The following UVSSA variants were observed in gnomAD, a reference collection of about 807,000 sequenced individuals.
UVSSA encodes the protein UV-stimulated scaffold protein A.
UVSSA carries 72 observed loss-of-function variants against 73.9 expected under a neutral mutation model. The ratio of observed to expected loss-of-function variants is 0.97; its 90% CI spans 0.81 to 1.19. The LOEUF is 1.19. Among genes scored for constraint, UVSSA ranks in the 50% most tolerant of loss-of-function variants. The probability of loss-of-function intolerance (pLI) is 0.00; values close to 1 mark genes in which losing one functional copy is unlikely to be tolerated. For missense variants in UVSSA, 1,150 were observed against 965.0 expected (o/e 1.19, Z -2.54); for synonymous variants, 454 against 391.3 (o/e 1.16, Z -1.89).
chr4:1,393,710 C>T (rs1720459758), exon 14 of UVSSA: 1 of 152,668 alleles, frequency 6.6e-6, no homozygotes, highest in African/African-American at 2.4e-5. Flanking sequence ...TTTCCCATGT[C>T]AGAGCCAAGG....
At chr4:1,390,462 G>A (rs1288591570), downstream of UVSSA, 3 of 152,242 alleles carry the variant, frequency 2.0e-5, no homozygotes, top group East Asian at 5.8e-4. Flanking sequence ...TAAAAATTTT[G>A]TTGTAGAGAC....
At chr4:1,382,998 A>G (rs1372594266) in intron 12 of UVSSA, among the ~76,000 whole-genome samples, 2 of 151,894 alleles carry the variant, frequency 1.3e-5, no homozygotes, top group Non-Finnish European at 1.5e-5. Flanking sequence ...GTGGAGGCCC[A>G]CCTCCGCCTT....
At chr4:1,369,398 G>T (rs1717747708) in intron 8 of UVSSA, among the ~76,000 whole-genome samples, 1 of 152,254 alleles carries the variant, frequency 6.6e-6, no homozygotes, top group Non-Finnish European at 1.5e-5. Flanking sequence ...GGGAAGCGTG[G>T]GGGCAGGCGG....
chr4:1,366,479 A>G, intron 8 of UVSSA, 48 bp downstream of exon 8: 1 of 1,453,398 alleles, frequency 6.9e-7, no homozygotes, highest in Non-Finnish European at 9.5e-7. Context: ...AGGGTCCCCC[A>G]CTCAGGATGT....
intron 7 of UVSSA, chr4:1,359,476 G>A (rs1440753092): frequency 6.6e-6 from 1 of 152,194 alleles, no homozygotes; most frequent in Admixed American, 6.5e-5. Context: ...TTTGTATTGT[G>A]TAATTAACAA....
Position 1,360,045 on chromosome 4 carries a change from G to C in UVSSA, c.1176+4800G>C, listed in dbSNP as rs369863474. On this transcript the variant is annotated intron_variant, in intron 7 of 13. Coordinates refer to ENST00000389851, the MANE Select transcript of UVSSA (RefSeq NM_020894.4). ...CACCAGGCACAGGCAGGGGAGGAGG[G>C]ACCTAAATCAGCGCTGCTGGGAAAC... Among the ~76,000 whole-genome samples the C allele has an allele frequency of 4.1e-3, 632 of 152,366 alleles. 5 individuals carry two copies. Among genetic ancestry groups the C allele is most frequent in the Middle Eastern group, 0.01 (3 of 294 alleles).
In UVSSA at chr4:1,348,077, T is replaced by C; in HGVS notation, c.-2-13T>C. 2.5e-6 allele frequency: 4 copies of C among 1,597,116 alleles called. No individual in the cohort carries two copies. Among genetic ancestry groups the C allele is most frequent in the Non-Finnish European group, 3.4e-6 (4 of 1,165,086 alleles). On this transcript the variant is annotated splice_polypyrimidine_tract_variant and intron_variant, in intron 1 of 13. Transcript: ENST00000389851. ...AGATGGTGATATAGCATCTCTGCCT[T>C]ACTTATTTCTAGATATGGATCAGAA...
rs764512705 is a variant in UVSSA at position 1,353,213 on chromosome 4, C to T, written c.734C>T (p.Pro245Leu). 5.6e-6 allele frequency: 9 copies of T among 1,612,346 alleles called. No homozygotes were observed. The highest frequency in any genetic ancestry group is 7.6e-6 in the Non-Finnish European group (9 of 1,179,858). The change falls in exon 5 of 14, where the codon CCC becomes CTC. Residue 245 changes from proline to leucine, a missense_variant. Coordinates refer to ENST00000389851, the MANE Select transcript of UVSSA (RefSeq NM_020894.4). Reference sequence around the variant, plus strand: ...CCCTGCCGGTCTGGCACCCCTGACCCCCGGGACGGGGAGCAGCCCTGCTGC... The same window carrying T: ...CCCTGCCGGTCTGGCACCCCTGACCTCCGGGACGGGGAGCAGCCCTGCTGC... ...VGPCRSGTPD[P>L]RDGEQPCCSR...
At chr4:1,378,213 G>A (rs1011403993) in intron 10 of UVSSA, among the ~76,000 whole-genome samples, 3 of 152,164 alleles carry the variant, frequency 2.0e-5, no homozygotes, top group South Asian at 2.1e-4. Flanking sequence ...TGGGGGTGGC[G>A]GCCACAGGCA....
chr4:1,351,175 C>G (rs1365669992), intron 3 of UVSSA, among the ~76,000 whole-genome samples: 2 of 151,774 alleles, frequency 1.3e-5, no homozygotes, highest in African/African-American at 4.8e-5. Flanking sequence ...ACGCCATTCT[C>G]CTGCCTCAGC....
At chr4:1,385,522 C>A in intron 13 of UVSSA, 1 of 312,680 alleles carries the variant, frequency 3.2e-6, no homozygotes, top group Non-Finnish European at 6.2e-6. Context: ...TCCTGCGAGG[C>A]CGCTCCCCGG....
chr4:1,386,166 G>C lies in UVSSA; in HGVS notation c.*205G>C. ...ATCGTCTGGTGATGGGTCTGGCCTCGCAGAAGAGGCCCTCGGGCCTGGAGA... is the reference window on the plus strand; with the variant it reads ...ATCGTCTGGTGATGGGTCTGGCCTCCCAGAAGAGGCCCTCGGGCCTGGAGA... On this transcript the variant is annotated 3_prime_UTR_variant, in exon 14 of 14. Coordinates refer to ENST00000389851, the MANE Select transcript of UVSSA (RefSeq NM_020894.4). 1 of 577,354 alleles carries C rather than the reference G, an allele frequency of 1.7e-6. No individual in the cohort carries two copies. The highest frequency in any genetic ancestry group is 3.1e-6 in the Non-Finnish European group (1 of 325,724). The allele number at this position is 577,354 out of a possible 1,614,324, so 35.8% of individuals were successfully genotyped here.
intron 7 of UVSSA, among the ~76,000 whole-genome samples, chr4:1,361,392 G>C (rs1040629338): frequency 6.6e-6 from 1 of 152,266 alleles, no homozygotes; most frequent in Admixed American, 6.5e-5. Context: ...TCTTGTAAGA[G>C]CGTGTTGATG....
chr4:1,387,354 G>C lies in UVSSA; in HGVS notation c.*1393G>C, dbSNP rs1488145452. The C allele has an allele frequency of 6.6e-6, 1 of 152,218 alleles. No individual in the cohort carries two copies. The highest frequency in any genetic ancestry group is 1.5e-5 in the Non-Finnish European group (1 of 68,066). The allele number at this position is 152,218 out of a possible 1,614,324, so 9.4% of individuals were successfully genotyped here. On this transcript the variant is annotated 3_prime_UTR_variant, in exon 14 of 14. Transcript: ENST00000389851. ...GCCTCCCATAGTGCTGGGATTACAG[G>C]TGTGAGCCACCGCACTCAGCTGATT...
intron 13 of UVSSA, 81 bp downstream of exon 13, chr4:1,384,021 G>A (rs1475450846): frequency 4.1e-6 from 6 of 1,463,446 alleles, no homozygotes; most frequent in Non-Finnish European, 4.5e-6. Context: ...TGAGCGCCAA[G>A]ATATTCCAGG....
chr4:1,361,330 C>T (rs925584241), intron 7 of UVSSA, among the ~76,000 whole-genome samples: 2 of 152,234 alleles, frequency 1.3e-5, no homozygotes, highest in Admixed American at 6.5e-5. Flanking sequence ...CTGGGAGTGA[C>T]CTGGGTTAGA....
At chr4:1,368,361 T>G (rs1352053150) in intron 8 of UVSSA, among the ~76,000 whole-genome samples, 1 of 152,262 alleles carries the variant, frequency 6.6e-6, no homozygotes, top group Non-Finnish European at 1.5e-5. Context: ...ACCTGACTTG[T>G]GGCTCTAAAT....
upstream of UVSSA, among the ~76,000 whole-genome samples, chr4:1,346,889 C>T (rs1233594768): frequency 6.6e-6 from 1 of 152,232 alleles, no homozygotes; most frequent in East Asian, 1.9e-4. Context: ...CGTGCGTCCC[C>T]CTCCCCACCC....
At chr4:1,342,673 G>C (rs1210164617), upstream of UVSSA, among the ~76,000 whole-genome samples, 2 of 152,188 alleles carry the variant, frequency 1.3e-5, no homozygotes, top group Non-Finnish European at 2.9e-5. Flanking sequence ...GTGAGGAAGA[G>C]CCTGAGGATG....
Sources: allele counts gnomAD v4.1 joint callset (sites outside exome capture counted in the v4.1 genomes callset), GRCh38; gene constraint gnomAD v4.1.1; transcripts MANE v1.5; gene names NCBI Gene and HGNC (gene_info 2026-07-23, HGNC 2026-07-21).